SLC25A13: variants seen among roughly 807,000 people sequenced by gnomAD.
SLC25A13 encodes the protein solute carrier family 25 member 13, also known as electrogenic aspartate/glutamate antiporter SLC25A13, mitochondrial.
Under a neutral mutation model 85.5 loss-of-function variants are expected in SLC25A13, and 70 were observed. The observed-to-expected ratio is 0.82, with a 90% CI of 0.68 to 1.00. The LOEUF (loss-of-function observed/expected upper bound fraction) is 1.00, where lower values mean the gene tolerates loss of function less well. Among genes scored for constraint, SLC25A13 ranks in the 50% least tolerant of loss-of-function variants. The pLI, the probability that SLC25A13 is intolerant of heterozygous loss-of-function variation, is 0.00. For missense variants in SLC25A13, 765 were observed against 819.8 expected, an observed-to-expected ratio of 0.93 and a Z score of 0.82; for synonymous variants, 259 against 288.7, an observed-to-expected ratio of 0.90 and a Z score of 1.04.
chr7:96,250,440 G>T (rs890088772), intron 3 of SLC25A13, among the ~76,000 whole-genome samples: 2 of 152,222 alleles, frequency 1.3e-5, no homozygotes, highest in African/African-American at 4.8e-5. Flanking sequence ...GCAGAAGGCA[G>T]TTAACTTACC....
At chr7:96,277,113 T>C (rs1798481291) in intron 3 of SLC25A13, 83 bp downstream of exon 3, 3 of 1,397,956 alleles carry the variant, frequency 2.1e-6, no homozygotes, top group East Asian at 5.0e-5. Flanking sequence ...AAGGTATACA[T>C]TTAATGACTT....
intron 15 of SLC25A13, among the ~76,000 whole-genome samples, chr7:96,131,186 C>A (rs1310629834): frequency 6.6e-6 from 1 of 152,132 alleles, no homozygotes. Flanking sequence ...TATTTTCTAT[C>A]GATGTTTTCA....
chr7:96,165,960 G>A (rs1401081989), intron 13 of SLC25A13, among the ~76,000 whole-genome samples: 1 of 152,186 alleles, frequency 6.6e-6, no homozygotes, highest in African/African-American at 2.4e-5. Flanking sequence ...ATACGTGGCT[G>A]GACAAACTGG....
chr7:96,299,425 T>C (rs921556905), intron 1 of SLC25A13, among the ~76,000 whole-genome samples: 2 of 152,244 alleles, frequency 1.3e-5, no homozygotes, highest in African/African-American at 4.8e-5. Flanking sequence ...GGATTCTCAC[T>C]GCAAATCAGT....
intron 1 of SLC25A13, among the ~76,000 whole-genome samples, chr7:96,310,720 G>C (rs1028753010): frequency 2.0e-5 from 3 of 152,010 alleles, no homozygotes; most frequent in Admixed American, 2.0e-4. Context: ...ACCTTTATTA[G>C]CTAGCATTCT....
chr7:96,173,345 G>A (rs80136801), intron 11 of SLC25A13, among the ~76,000 whole-genome samples: 264 of 152,266 alleles, frequency 1.7e-3, no homozygotes, highest in African/African-American at 6.1e-3. Flanking sequence ...GGAAACCAAG[G>A]CATAGAGAGA....
chr7:96,248,177 C>T (rs1797277415), intron 3 of SLC25A13, among the ~76,000 whole-genome samples: 1 of 152,080 alleles, frequency 6.6e-6, no homozygotes, highest in African/African-American at 2.4e-5. Flanking sequence ...GCAATCACAG[C>T]TTTTCCTCTA....
At chr7:96,299,739 T>C (rs1443382149) in intron 1 of SLC25A13, among the ~76,000 whole-genome samples, 1 of 152,236 alleles carries the variant, frequency 6.6e-6, no homozygotes, top group Admixed American at 6.5e-5. Flanking sequence ...GATTTCATCA[T>C]TGTGTGAACA....
At chr7:96,128,939 G>GATCTCT (rs1791868805) in intron 15 of SLC25A13, among the ~76,000 whole-genome samples, 1 of 81,850 alleles carries the variant, frequency 1.2e-5, no homozygotes, top group African/African-American at 4.3e-5. Context: ...TGCCTTGCTT[G>GATCTCT]CTCTCTCTCT....
chr7:96,222,603 G>A (rs1355672289), intron 4 of SLC25A13, among the ~76,000 whole-genome samples: 1 of 152,022 alleles, frequency 6.6e-6, no homozygotes, highest in Non-Finnish European at 1.5e-5. Flanking sequence ...ATGCCACCAT[G>A]CCCAGCTAAT....
chr7:96,282,293 T>C (rs1293588600), intron 2 of SLC25A13, among the ~76,000 whole-genome samples: 2 of 151,730 alleles, frequency 1.3e-5, no homozygotes, highest in African/African-American at 4.8e-5. Flanking sequence ...AGGGCAGGGG[T>C]CCTATCTGGC....
intron 14 of SLC25A13, among the ~76,000 whole-genome samples, chr7:96,138,540 T>C (rs1792389571): frequency 6.6e-6 from 1 of 151,914 alleles, no homozygotes; most frequent in African/African-American, 2.4e-5. Context: ...GGACTACAGG[T>C]GCATGACACC....
intron 9 of SLC25A13, among the ~76,000 whole-genome samples, chr7:96,186,685 T>C (rs1794657852): frequency 1.3e-5 from 2 of 152,170 alleles, no homozygotes; most frequent in African/African-American, 2.4e-5. Context: ...TGATATTAAA[T>C]GTTCACAAGG....
intron 13 of SLC25A13, among the ~76,000 whole-genome samples, chr7:96,149,778 G>A (rs1191328109): frequency 6.6e-6 from 1 of 152,052 alleles, no homozygotes; most frequent in Non-Finnish European, 1.5e-5. Flanking sequence ...TGATCACTGA[G>A]CAGCACACTG....
At chr7:96,308,684 A>G (rs940197351) in intron 1 of SLC25A13, among the ~76,000 whole-genome samples, 24 of 152,250 alleles carry the variant, frequency 1.6e-4, no homozygotes, top group African/African-American at 4.6e-4. Flanking sequence ...CAGAAGCCAT[A>G]TAATCCAGAA....
chr7:96,260,690 C>T (rs954834304), intron 3 of SLC25A13, among the ~76,000 whole-genome samples: 3 of 152,116 alleles, frequency 2.0e-5, no homozygotes, highest in African/African-American at 4.8e-5. Flanking sequence ...TTGCTTATAT[C>T]GCCATTCCCC....
At chr7:96,249,010 A>G (rs962797473) in intron 3 of SLC25A13, among the ~76,000 whole-genome samples, 1 of 152,232 alleles carries the variant, frequency 6.6e-6, no homozygotes, top group Admixed American at 6.5e-5. Flanking sequence ...ATTAAAATAA[A>G]AAGTGATTTC....
At chr7:96,240,036 C>T (rs1796908790) in intron 3 of SLC25A13, among the ~76,000 whole-genome samples, 2 of 152,154 alleles carry the variant, frequency 1.3e-5, no homozygotes, top group Non-Finnish European at 2.9e-5. Flanking sequence ...AAGATATATA[C>T]CAAAATGATG....
At position 96,238,394 on chromosome 7, in the gene SLC25A13, GT is replaced by G. The variant is rs11386446; in HGVS notation, c.213-3478del. 1.9e-3 allele frequency among the ~76,000 whole-genome samples: 276 copies of G among 148,608 alleles called. 3 individuals are homozygous for G. The highest frequency in any genetic ancestry group is 6.6e-3 in the African/African-American group (265 of 40,410). On this transcript the variant is annotated intron_variant, in intron 3 of 17. Transcript: ENST00000265631. ...CTCCAGAACTTAGGACAACTAATTTGTTTTTTTTTTTAAAGCTTCCCAGTTT... is the reference window on the plus strand; with the variant it reads ...CTCCAGAACTTAGGACAACTAATTTGTTTTTTTTTTAAAGCTTCCCAGTTT...
Sources: allele counts gnomAD v4.1 joint callset (sites outside exome capture counted in the v4.1 genomes callset), GRCh38; gene constraint gnomAD v4.1.1; transcripts MANE v1.5; gene names NCBI Gene and HGNC (gene_info 2026-07-23, HGNC 2026-07-21).